Variants in NALF1 observed in about 807,000 individuals in gnomAD.
The protein encoded by NALF1 is family with sequence similarity 155 member A.
Under a neutral mutation model 48.4 loss-of-function variants are expected in NALF1, and 3 were observed. That is an observed-to-expected ratio of 0.06 (90% confidence interval 0.03 to 0.16). The LOEUF (loss-of-function observed/expected upper bound fraction) is 0.16, where lower values mean the gene tolerates loss of function less well. Among genes scored for constraint, NALF1 ranks in the 10% least tolerant of loss-of-function variants. NALF1 has a pLI of 1.00. For missense variants in NALF1, 526 were observed against 571.5 expected, an observed-to-expected ratio of 0.92 and a Z score of 0.81; for synonymous variants, 262 against 245.7, an observed-to-expected ratio of 1.07 and a Z score of -0.62.
At position 107,732,103 on chromosome 13, in the gene NALF1, A is replaced by T. The variant is rs114431110; in HGVS notation, c.915+133579T>A. On this transcript the variant is annotated intron_variant, in intron 1 of 2. Transcript: ENST00000375915. ...CATTTCTAGGAATCTTTGACTCTCT[A>T]TCAGCCCCCTGGGCAGCAGCTTTGC... Among the ~76,000 whole-genome samples, 1,488 of 152,224 alleles carry T rather than the reference A, an allele frequency of 9.8e-3. 28 individuals carry two copies. Among genetic ancestry groups the T allele is most frequent in the African/African-American group, 0.034 (1,423 of 41,524 alleles).
intron 1 of NALF1, among the ~76,000 whole-genome samples, chr13:107,839,860 C>T (rs1879997929): frequency 6.6e-6 from 1 of 152,072 alleles, no homozygotes; most frequent in African/African-American, 2.4e-5. Flanking sequence ...GGTGAAATAG[C>T]ATAGTCTACA....
At chr13:107,815,305 A>G (rs1377180510) in intron 1 of NALF1, among the ~76,000 whole-genome samples, 1 of 150,506 alleles carries the variant, frequency 6.6e-6, no homozygotes, top group Non-Finnish European at 1.5e-5. Flanking sequence ...AACTCTTATA[A>G]CTCAGTAACA....
chr13:107,218,178 C>G (rs1213130338), intron 1 of NALF1, among the ~76,000 whole-genome samples: 1 of 152,180 alleles, frequency 6.6e-6, no homozygotes, highest in East Asian at 1.9e-4. Flanking sequence ...ACGAATCCCT[C>G]AGCCTATTAA....
At chr13:107,754,223 G>C (rs967018951) in intron 1 of NALF1, among the ~76,000 whole-genome samples, 1 of 152,116 alleles carries the variant, frequency 6.6e-6, no homozygotes, top group African/African-American at 2.4e-5. Flanking sequence ...GGTGAGATTA[G>C]TTAGATGGTA....
intron 1 of NALF1, among the ~76,000 whole-genome samples, chr13:107,575,461 G>A (rs933361067): frequency 3.3e-5 from 5 of 152,110 alleles, no homozygotes; most frequent in African/African-American, 1.2e-4. Flanking sequence ...TTAGCAGAGA[G>A]TCCCTGACCT....
rs34857705 is a variant in NALF1, at chr13:107,786,416, CAAA to C, written c.915+79263_915+79265del. Reference sequence around the variant, plus strand: ...GGGCAACAAGAGCGAAACTCTTTCTCAAAAAAAAAAAAAAAAAAAAAAAAAAGC... The same window carrying C: ...GGGCAACAAGAGCGAAACTCTTTCTCAAAAAAAAAAAAAAAAAAAAAAAGC... On this transcript the variant is annotated intron_variant, in intron 1 of 2. Coordinates refer to ENST00000375915, the MANE Select transcript of NALF1 (RefSeq NM_001080396.3). Among the ~76,000 whole-genome samples the C allele has an allele frequency of 8.4e-3, 250 of 29,680 alleles. 1 individual carries two copies. Among genetic ancestry groups the C allele is most frequent in the African/African-American group, 0.03 (227 of 7,528 alleles). The allele number at this position is 29,680 out of a possible 152,430, so 19.5% of individuals were successfully genotyped here.
intron 1 of NALF1, among the ~76,000 whole-genome samples, chr13:107,509,820 T>TTA (rs1875822271): frequency 1.3e-5 from 2 of 152,038 alleles, no homozygotes; most frequent in South Asian, 4.1e-4. Context: ...TATTATTATT[T>TTA]TTTGAGTTAG....
At chr13:107,421,291 T>C (rs1403602576) in intron 1 of NALF1, among the ~76,000 whole-genome samples, 2 of 152,154 alleles carry the variant, frequency 1.3e-5, no homozygotes, top group Admixed American at 1.3e-4. Context: ...CCTCCTCAGA[T>C]ATATCTCAAT....
intron 1 of NALF1, among the ~76,000 whole-genome samples, chr13:107,778,053 T>A (rs1379091248): frequency 6.6e-6 from 1 of 152,202 alleles, no homozygotes; most frequent in Non-Finnish European, 1.5e-5. Context: ...AAATTGCACA[T>A]TTTACTTTTT....
rs374220112 is a variant in NALF1 at position 107,390,519 on chromosome 13, G to C, written c.916-179764C>G. On this transcript the variant is annotated intron_variant, in intron 1 of 2. Coordinates refer to ENST00000375915, the MANE Select transcript of NALF1 (RefSeq NM_001080396.3). ...AGCCAAAAACATTAGAACAGTAACA[G>C]ATAAGCAATGATATGTATAAACCAG... Among the ~76,000 whole-genome samples, 9 of 152,040 alleles carry C rather than the reference G, an allele frequency of 5.9e-5. 1 individual carries two copies. In the South Asian group the frequency reaches 6.2e-4, roughly 11 times the overall value.
At chr13:107,680,802 GGT>G (rs1881278629) in intron 1 of NALF1, among the ~76,000 whole-genome samples, 1 of 150,332 alleles carries the variant, frequency 6.7e-6, no homozygotes, top group Non-Finnish European at 1.5e-5. Flanking sequence ...CATGAGAGAG[GGT>G]GAGTGGTGTG....
At position 107,756,002 on chromosome 13, in the gene NALF1, G is replaced by C. The variant is rs992287082; in HGVS notation, c.915+109680C>G. Among the ~76,000 whole-genome samples, 3 of 152,190 alleles carry C rather than the reference G, an allele frequency of 2.0e-5. No individual in the cohort carries two copies. The South Asian group carries it at 6.2e-4, about 32-fold the overall frequency. On this transcript the variant is annotated intron_variant, in intron 1 of 2. Transcript: ENST00000375915. ...AGAACCAACTTCAACTGATATCAGAGCTTGGTATATTCACAGTATCTAATG... is the reference window on the plus strand; with the variant it reads ...AGAACCAACTTCAACTGATATCAGACCTTGGTATATTCACAGTATCTAATG...
At chr13:107,586,192 C>G (rs1471785252) in intron 1 of NALF1, among the ~76,000 whole-genome samples, 3 of 152,122 alleles carry the variant, frequency 2.0e-5, no homozygotes, top group African/African-American at 7.2e-5. Flanking sequence ...ATAGGGAAAG[C>G]TGGTTTGAAT....
intron 1 of NALF1, among the ~76,000 whole-genome samples, chr13:107,453,848 G>A (rs1441167026): frequency 6.6e-6 from 1 of 152,140 alleles, no homozygotes; most frequent in Non-Finnish European, 1.5e-5. Flanking sequence ...GAGCACCCAA[G>A]TCAGCTCTTG....
intron 1 of NALF1, among the ~76,000 whole-genome samples, chr13:107,413,213 A>G (rs1464474460): frequency 6.6e-6 from 1 of 152,192 alleles, no homozygotes; most frequent in Non-Finnish European, 1.5e-5. Context: ...ATTATTGCAC[A>G]ATAGATGTTT....
At chr13:107,215,563 G>A (rs1879855624) in intron 1 of NALF1, among the ~76,000 whole-genome samples, 1 of 152,142 alleles carries the variant, frequency 6.6e-6, no homozygotes, top group East Asian at 1.9e-4. Flanking sequence ...CAGACCGAGG[G>A]GGAGTACTTT....
intron 1 of NALF1, among the ~76,000 whole-genome samples, chr13:107,257,068 C>G (rs1294938889): frequency 6.6e-6 from 1 of 152,078 alleles, no homozygotes; most frequent in Admixed American, 6.6e-5. Flanking sequence ...CAGGCACCTT[C>G]TTCACAAGGC....
At chr13:107,516,711 T>C (rs1370566876) in intron 1 of NALF1, among the ~76,000 whole-genome samples, 2 of 152,158 alleles carry the variant, frequency 1.3e-5, no homozygotes, top group East Asian at 3.9e-4. Flanking sequence ...TGCAATCACA[T>C]TCCAGCTTTC....
chr13:107,751,370 T>C (rs1876933299), intron 1 of NALF1, among the ~76,000 whole-genome samples: 2 of 152,196 alleles, frequency 1.3e-5, no homozygotes, highest in African/African-American at 4.8e-5. Context: ...CCTTGTAAAG[T>C]GTTAGAGAAT....
Sources: gnomAD v4.1 joint callset for allele counts (sites outside exome capture counted in the v4.1 genomes callset) on GRCh38, gnomAD v4.1.1 for gene constraint, MANE v1.5 for transcripts, NCBI Gene and HGNC (gene_info 2026-07-23, HGNC 2026-07-21) for gene names.